The following FAR2 variants were observed in gnomAD, a reference collection of about 807,000 sequenced individuals.
FAR2 encodes fatty acyl-CoA reductase 2.
Under a neutral mutation model 56.0 loss-of-function variants are expected in FAR2, and 19 were observed. The observed-to-expected ratio is 0.34, with a 90% CI of 0.24 to 0.50. The LOEUF is 0.50. Ranked by LOEUF, FAR2 falls within the 20% of genes least tolerant of loss-of-function variation. The pLI is 0.98. For synonymous variants in FAR2, 219 were observed against 218.8 expected, an observed-to-expected ratio of 1.00 and a Z score of -0.01; for missense variants, 508 against 642.2, an observed-to-expected ratio of 0.79 and a Z score of 2.26.
chr12:29,310,500 C>CA (rs200876767), intron 6 of FAR2, among the ~76,000 whole-genome samples: 3 of 149,934 alleles, frequency 2.0e-5, no homozygotes, highest in African/African-American at 7.3e-5. Context: ...TTTTCCAAGC[C>CA]AAAAAAAAAG....
chr12:29,173,760 C>T (rs1390639988), intron 1 of FAR2, among the ~76,000 whole-genome samples: 1 of 152,074 alleles, frequency 6.6e-6, no homozygotes, highest in African/African-American at 2.4e-5. Flanking sequence ...TCCCCACACC[C>T]CCCCTACCCA....
At chr12:29,167,718 A>G (rs1174107717) in intron 1 of FAR2, among the ~76,000 whole-genome samples, 1 of 152,212 alleles carries the variant, frequency 6.6e-6, no homozygotes, top group Non-Finnish European at 1.5e-5. Context: ...TAAATACTAC[A>G]ATCCAACAAC....
chr12:29,196,251 G>C (rs1950142827), intron 1 of FAR2, among the ~76,000 whole-genome samples: 1 of 152,016 alleles, frequency 6.6e-6, no homozygotes, highest in South Asian at 2.1e-4. Context: ...TTAGTTATTT[G>C]AGAAATCTGC....
intron 1 of FAR2, among the ~76,000 whole-genome samples, chr12:29,157,903 T>A (rs1387006371): frequency 6.6e-6 from 1 of 152,158 alleles, no homozygotes; most frequent in Non-Finnish European, 1.5e-5. Flanking sequence ...CCAGAAGAAA[T>A]GGATAAACTG....
At chr12:29,203,999 CAAAAAAA>C (rs34399942) in intron 1 of FAR2, among the ~76,000 whole-genome samples, 7 of 68,116 alleles carry the variant, frequency 1.0e-4, no homozygotes, top group Admixed American at 4.9e-4. Flanking sequence ...GATTCCATCT[CAAAAAAA>C]AAAAAAAAAA....
At chr12:29,308,524 TA>T (rs1949290620) in intron 5 of FAR2, among the ~76,000 whole-genome samples, 1 of 152,042 alleles carries the variant, frequency 6.6e-6, no homozygotes, top group African/African-American at 2.4e-5. Flanking sequence ...TCTCCTGTTA[TA>T]CTCACACATT....
Position 29,293,411 on chromosome 12 carries a change from C to T in FAR2, c.301C>T (p.Leu101Phe), listed in dbSNP as rs1410899063. ...CATCAGCAAAGAGGACATGCAGGAG[C>T]TTCTCTCCTGTACAAACATAATATT... Reference protein sequence around the residue: ...FAISKEDMQELLSCTNIIFHC... With the variant: ...FAISKEDMQEFLSCTNIIFHC... Residue 101 changes from leucine (L) to phenylalanine (F), a missense_variant, in exon 3 of 12, where the codon CTT (leucine) becomes TTT (phenylalanine). Physicochemically the swap from Leu to Phe is conservative, Grantham distance 22. Transcript: ENST00000536681. 2 of 1,611,820 alleles carry T rather than the reference C, an allele frequency of 1.2e-6. No individual in the cohort carries two copies. The highest frequency in any genetic ancestry group is 1.1e-5 in the South Asian group (1 of 90,702).
chr12:29,313,692 A>C (rs1372596838), intron 8 of FAR2, among the ~76,000 whole-genome samples: 1 of 152,160 alleles, frequency 6.6e-6, no homozygotes, highest in Non-Finnish European at 1.5e-5. Context: ...ATGTATTCAC[A>C]TAAAATTTTT....
chr12:29,183,687 G>A (rs985003708), intron 1 of FAR2, among the ~76,000 whole-genome samples: 4 of 152,160 alleles, frequency 2.6e-5, no homozygotes, highest in African/African-American at 4.8e-5. Context: ...TATGGCTATA[G>A]TGTTTTGTAG....
chr12:29,331,652 C>CCA (rs1363396196), intron 10 of FAR2: 2 of 152,014 alleles, frequency 1.3e-5, no homozygotes, highest in African/African-American at 4.8e-5. Flanking sequence ...CAATTAGGCC[C>CCA]TTTATATGGA....
chr12:29,270,766 C>A, intron 2 of FAR2, 128 bp downstream of exon 2: 1 of 707,974 alleles, frequency 1.4e-6, no homozygotes, highest in Non-Finnish European at 2.1e-6. Context: ...GGAAGGCAGA[C>A]AAAACAAGAC....
chr12:29,332,813 T>C (rs757895691), intron 11 of FAR2, 86 bp downstream of exon 11: 6 of 1,296,954 alleles, frequency 4.6e-6, no homozygotes, highest in Non-Finnish European at 6.5e-6. Flanking sequence ...CAGAGGAGAA[T>C]GAACATTTCT....
At chr12:29,152,017 G>A (rs1358063964) in intron 1 of FAR2, 5 of 152,146 alleles carry the variant, frequency 3.3e-5, no homozygotes, top group Non-Finnish European at 5.9e-5. Context: ...GACCCTTATA[G>A]TTTGGTGGAA....
chr12:29,274,167 A>G (rs757715525), intron 2 of FAR2, among the ~76,000 whole-genome samples: 17 of 149,798 alleles, frequency 1.1e-4, no homozygotes, highest in Non-Finnish European at 1.8e-4. Context: ...AACATTAGGT[A>G]TATCTCCTAA....
chr12:29,181,366 A>C (rs1949990264), intron 1 of FAR2, among the ~76,000 whole-genome samples: 1 of 152,312 alleles, frequency 6.6e-6, no homozygotes, highest in African/African-American at 2.4e-5. Flanking sequence ...TTCATGAAAA[A>C]CTAGCCAATT....
intron 4 of FAR2, among the ~76,000 whole-genome samples, chr12:29,303,681 T>C (rs536284129): frequency 2.6e-5 from 4 of 152,308 alleles, no homozygotes; most frequent in Admixed American, 6.5e-5. Flanking sequence ...CTTCGTGCTA[T>C]AGAACACATT....
rs146814696 is a variant in FAR2 at position 29,304,442 on chromosome 12, A to G, written c.546-3216A>G. ...GCAAATACAACTTGATAACTACAAC[A>G]ATCAAGAGAATGACATAATCTACCC... On this transcript the variant is annotated intron_variant, in intron 4 of 11. Coordinates refer to ENST00000536681, the MANE Select transcript of FAR2 (RefSeq NM_001271783.2). Among the ~76,000 whole-genome samples the G allele has an allele frequency of 3.3e-5, 5 of 152,308 alleles. No homozygotes were observed. In the East Asian group the frequency reaches 9.7e-4, roughly 29 times the overall value.
chr12:29,293,374 G>T lies in FAR2; in HGVS notation c.264G>T (p.Gln88His). Reference protein sequence around the residue: ...KIRAIYADLNQNDFAISKEDM... With the variant: ...KIRAIYADLNHNDFAISKEDM... ...GAGCTATTTATGCAGATCTCAATCA[G>T]AATGACTTTGCCATCAGCAAAGAGG... Residue 88 changes from glutamine (Q) to histidine (H), a missense_variant, in exon 3 of 12, where the codon CAG becomes CAT. Physicochemically the swap from Gln to His is conservative, Grantham distance 24. Coordinates refer to ENST00000536681, the MANE Select transcript of FAR2 (RefSeq NM_001271783.2). The T allele has an allele frequency of 6.2e-7, 1 of 1,612,828 alleles. No homozygotes were observed. Among genetic ancestry groups the T allele is most frequent in the Non-Finnish European group, 8.5e-7 (1 of 1,179,592 alleles).
chr12:29,264,636 T>TAAATA (rs1948480159), intron 1 of FAR2, among the ~76,000 whole-genome samples: 1 of 112,414 alleles, frequency 8.9e-6, no homozygotes, highest in African/African-American at 3.8e-5. Flanking sequence ...AATAAATAAA[T>TAAATA]AAATAAATAA....
Sources: gnomAD v4.1 joint callset for allele counts (sites outside exome capture counted in the v4.1 genomes callset) on GRCh38, gnomAD v4.1.1 for gene constraint, MANE v1.5 for transcripts, NCBI Gene and HGNC (gene_info 2026-07-23, HGNC 2026-07-21) for gene names.